The following GLIS1 variants were observed in gnomAD, a reference collection of about 807,000 sequenced individuals.
GLIS1 encodes the protein zinc finger protein GLIS1.
A neutral mutation model predicts 63.8 loss-of-function variants in GLIS1; 24 were observed. That is an observed-to-expected ratio of 0.38 (90% CI 0.27 to 0.53). The LOEUF (loss-of-function observed/expected upper bound fraction) is 0.53. Among genes scored for constraint, GLIS1 ranks in the 20% least tolerant of loss-of-function variants. The pLI, the probability that GLIS1 is intolerant of heterozygous loss-of-function variation, is 0.85. For synonymous variants in GLIS1, 450 were observed against 482.5 expected, an observed-to-expected ratio of 0.93 and a Z score of 0.88; for missense variants, 1,036 against 1,074.1, an observed-to-expected ratio of 0.96 and a Z score of 0.50.
At position 53,594,152 on chromosome 1, in the gene GLIS1, T is replaced by G; in HGVS notation, c.1276A>C (p.Ile426Leu). Residue 426 changes from isoleucine (I) to leucine (L), a missense_variant, in exon 4 of 11, where the codon ATC becomes CTC. By Grantham distance (5) the Ile-to-Leu change is conservative (BLOSUM62 2). Transcript: ENST00000628545. ...TCGCCCGAGTGCACTCGCATGTGGA[T>G]GAGCAGCTTGTAGCGGGCGTTGAAG... ...KPFNARYKLLIHMRVHSGEKP... is the reference protein window; with the variant it reads ...KPFNARYKLLLHMRVHSGEKP... 6.2e-7 allele frequency: 1 copy of G among 1,613,656 alleles called. No homozygotes were observed. The highest frequency in any genetic ancestry group is 8.5e-7 in the Non-Finnish European group (1 of 1,179,650).
In GLIS1 at chr1:53,712,983, A is replaced by G. The variant is rs149247454; in HGVS notation, c.259+24823T>C. On this transcript the variant is annotated intron_variant, in intron 2 of 10. Transcript: ENST00000628545. Reference sequence around the variant, plus strand: ...GTAAAAAGTGAGGCAGAGAGAAACCAAGGTAAGATGCAGAGGGAAAAAAGA... The same window carrying G: ...GTAAAAAGTGAGGCAGAGAGAAACCGAGGTAAGATGCAGAGGGAAAAAAGA... Among the ~76,000 whole-genome samples the G allele has an allele frequency of 9.2e-5, 14 of 152,344 alleles. 1 individual carries two copies. The South Asian group carries it at 1.7e-3, about 18-fold the overall frequency.
intron 10 of GLIS1, among the ~76,000 whole-genome samples, chr1:53,507,991 G>A (rs760416927): frequency 4.0e-5 from 6 of 151,836 alleles, no homozygotes; most frequent in Non-Finnish European, 5.9e-5. Context: ...CGTCTATCCC[G>A]CGTGGACACG....
intron 7 of GLIS1, among the ~76,000 whole-genome samples, chr1:53,515,644 T>C (rs1644344998): frequency 6.6e-6 from 1 of 151,132 alleles, no homozygotes; most frequent in Non-Finnish European, 1.5e-5. Context: ...TAGGTCAGAG[T>C]CAGACTTTGC....
At chr1:53,640,279 T>C (rs1645772329) in intron 2 of GLIS1, among the ~76,000 whole-genome samples, 1 of 152,156 alleles carries the variant, frequency 6.6e-6, no homozygotes, top group Admixed American at 6.5e-5. Flanking sequence ...TTGTGAAGAA[T>C]GCCCAGTAAG....
At chr1:53,525,883 G>A (rs928345064) in intron 5 of GLIS1, among the ~76,000 whole-genome samples, 4 of 152,120 alleles carry the variant, frequency 2.6e-5, no homozygotes, top group Non-Finnish European at 4.4e-5. Flanking sequence ...TCCAGCCTAT[G>A]TGCTGGGTTT....
intron 2 of GLIS1, among the ~76,000 whole-genome samples, chr1:53,718,894 C>T (rs933391825): frequency 2.0e-5 from 3 of 152,226 alleles, no homozygotes; most frequent in African/African-American, 7.2e-5. Flanking sequence ...TCCCCTCAGG[C>T]CTGCCAGGTT....
At chr1:53,578,066 G>A (rs1361386040) in intron 4 of GLIS1, among the ~76,000 whole-genome samples, 1 of 152,140 alleles carries the variant, frequency 6.6e-6, no homozygotes, top group Non-Finnish European at 1.5e-5. Context: ...TAAAAGAAGA[G>A]GGCAAACAGT....
At chr1:53,562,026 T>C (rs915796561) in intron 4 of GLIS1, among the ~76,000 whole-genome samples, 3 of 152,166 alleles carry the variant, frequency 2.0e-5, no homozygotes, top group South Asian at 2.1e-4. Flanking sequence ...CGTCTTCCCA[T>C]GTTACCCATG....
At chr1:53,552,235 C>G (rs1345456233) in intron 4 of GLIS1, among the ~76,000 whole-genome samples, 1 of 152,118 alleles carries the variant, frequency 6.6e-6, no homozygotes, top group African/African-American at 2.4e-5. Context: ...CACCACACAC[C>G]CCAACCCTAA....
chr1:53,507,290 G>T (rs959895612), intron 10 of GLIS1, among the ~76,000 whole-genome samples: 9 of 152,216 alleles, frequency 5.9e-5, no homozygotes, highest in African/African-American at 2.2e-4. Context: ...CCTGCGGTGG[G>T]ATTCACTATC....
At chr1:53,688,827 AC>A (rs1646370789) in intron 2 of GLIS1, 1 of 152,244 alleles carries the variant, frequency 6.6e-6, no homozygotes, top group South Asian at 2.1e-4. Context: ...TTCAATTTTT[AC>A]TGAGTGCCTG....
chr1:53,597,916 A>G (rs976501066), intron 3 of GLIS1, among the ~76,000 whole-genome samples: 3 of 151,908 alleles, frequency 2.0e-5, no homozygotes, highest in African/African-American at 7.2e-5. Context: ...AAAAGAAAAA[A>G]AAATCCTCTT....
chr1:53,686,339 G>A (rs181154723), intron 2 of GLIS1, among the ~76,000 whole-genome samples: 73 of 152,244 alleles, frequency 4.8e-4, no homozygotes, highest in Admixed American at 9.8e-4. Flanking sequence ...TCTCCCCTCC[G>A]GCTCAGCCTA....
chr1:53,709,956 T>C (rs12043690), intron 2 of GLIS1, among the ~76,000 whole-genome samples: 38,959 of 152,006 alleles, frequency 0.26, 5,275 homozygotes, highest in African/African-American at 0.35. Flanking sequence ...ATGTACAGGA[T>C]GGGAGGGGGA....
At chr1:53,726,786 G>A (rs1646810098) in intron 2 of GLIS1, among the ~76,000 whole-genome samples, 1 of 152,138 alleles carries the variant, frequency 6.6e-6, no homozygotes, top group Admixed American at 6.5e-5. Context: ...TGCAGCTCAA[G>A]CCTCAGTTTG....
intron 2 of GLIS1, among the ~76,000 whole-genome samples, chr1:53,690,626 T>G (rs1045459417): frequency 2.6e-5 from 4 of 152,300 alleles, no homozygotes; most frequent in South Asian, 4.1e-4. Context: ...TCTCTTTCCC[T>G]CAGTCATCCA....
intron 4 of GLIS1, among the ~76,000 whole-genome samples, chr1:53,580,215 CG>C (rs1189990254): frequency 6.6e-6 from 1 of 152,158 alleles, no homozygotes; most frequent in African/African-American, 2.4e-5. Context: ...AGCCATGAGC[CG>C]CAGAGCCCCT....
At chr1:53,738,530 G>A (rs761142282) in intron 1 of GLIS1, among the ~76,000 whole-genome samples, 6 of 152,224 alleles carry the variant, frequency 3.9e-5, no homozygotes, top group Non-Finnish European at 8.8e-5. Context: ...GACGGCTCCG[G>A]GTAGGTCACG....
chr1:53,541,804 T>A (rs969551970), intron 4 of GLIS1, among the ~76,000 whole-genome samples: 1 of 152,156 alleles, frequency 6.6e-6, no homozygotes, highest in Non-Finnish European at 1.5e-5. Context: ...AGTTGCTGCT[T>A]TTGAGATGGG....
Sources: gnomAD v4.1 joint callset for allele counts (sites outside exome capture counted in the v4.1 genomes callset) on GRCh38, gnomAD v4.1.1 for gene constraint, MANE v1.5 for transcripts, NCBI Gene and HGNC (gene_info 2026-07-23, HGNC 2026-07-21) for gene names.